RYR3: variants seen among roughly 807,000 people sequenced by gnomAD.
RYR3 encodes brain ryanodine receptor-calcium release channel.
RYR3 carries 207 observed loss-of-function variants against 584.3 expected under a neutral mutation model. That is an observed-to-expected ratio of 0.35 (90% confidence interval 0.32 to 0.40). The LOEUF is 0.40. RYR3 is among the 10% of genes least tolerant of loss of function. The probability of loss-of-function intolerance (pLI) is 1.00; values close to 1 mark genes in which losing one functional copy is unlikely to be tolerated. For missense variants in RYR3, 5,616 were observed against 6,089.2 expected (o/e 0.92, Z 2.59); for synonymous variants, 2,416 against 2,248.5 (o/e 1.07, Z -2.11).
At chr15:33,770,791 A>G (rs2073507566) in intron 62 of RYR3, among the ~76,000 whole-genome samples, 1 of 152,236 alleles carries the variant, frequency 6.6e-6, no homozygotes, top group South Asian at 2.1e-4. Context: ...GAACAAGCCT[A>G]ACTGACTTTA....
intron 19 of RYR3, among the ~76,000 whole-genome samples, chr15:33,616,904 G>A (rs2060479107): frequency 6.6e-6 from 1 of 152,196 alleles, no homozygotes; most frequent in African/African-American, 2.4e-5. Context: ...CAGGGTCAGT[G>A]CAGGACCTGT....
At chr15:33,647,181 C>T (rs576811211) in intron 29 of RYR3, among the ~76,000 whole-genome samples, 1 of 152,352 alleles carries the variant, frequency 6.6e-6, no homozygotes, top group South Asian at 2.1e-4. Context: ...TCCGTCCTCA[C>T]TCTCAACTTA....
chr15:33,825,026 A>G (rs931192378), intron 81 of RYR3, among the ~76,000 whole-genome samples: 2 of 152,154 alleles, frequency 1.3e-5, no homozygotes, highest in African/African-American at 2.4e-5. Flanking sequence ...AAATTCAGGA[A>G]TACCTGGAGG....
chr15:33,529,287 A>G (rs1325099569), intron 3 of RYR3, among the ~76,000 whole-genome samples: 3 of 152,218 alleles, frequency 2.0e-5, no homozygotes, highest in African/African-American at 7.2e-5. Context: ...GGAACATGAT[A>G]CCACGTTTAT....
chr15:33,812,895 C>T lies in RYR3; in HGVS notation c.10290C>T (p.Asn3430=), dbSNP rs2076624477. The change falls in exon 73 of 104, where the codon AAC becomes AAT. Residue 3430 remains asparagine, a synonymous_variant. Transcript: ENST00000634891. ...SDDPAVKWQL[N]LYKDVLKSEE... ...ACCCAGCTGTAAAATGGCAACTGAA[C>T]CTCTACAAGGATGTTCTGAAGAGTG... The T allele has an allele frequency of 1.2e-6, 2 of 1,613,924 alleles. No homozygotes were observed. Among genetic ancestry groups the T allele is most frequent in the East Asian group, 2.2e-5 (1 of 44,882 alleles).
chr15:33,729,172 A>AATTATT, intron 47 of RYR3, 146 bp downstream of exon 47: 1 of 728,496 alleles, frequency 1.4e-6, no homozygotes, highest in African/African-American at 1.8e-5. Flanking sequence ...GTATCATGAA[A>AATTATT]TGGAAGATCT....
intron 63 of RYR3, among the ~76,000 whole-genome samples, chr15:33,772,977 C>T (rs1426409471): frequency 6.6e-6 from 1 of 152,158 alleles, no homozygotes; most frequent in Non-Finnish European, 1.5e-5. Context: ...CAAAACATGC[C>T]CTTCCCCTAG....
At chr15:33,547,266 G>T (rs12909241) in intron 8 of RYR3, among the ~76,000 whole-genome samples, 109,680 of 152,134 alleles carry the variant, frequency 0.72, 41,048 homozygotes, top group Middle Eastern at 0.9. Context: ...AAGGCAAGAC[G>T]GAGAAAGCAT....
At chr15:33,793,827 A>G (rs1006469105) in intron 67 of RYR3, among the ~76,000 whole-genome samples, 2 of 151,004 alleles carry the variant, frequency 1.3e-5, no homozygotes, top group Non-Finnish European at 2.9e-5. Context: ...TATAAGGTAA[A>G]TTGTAGTTAC....
intron 16 of RYR3, among the ~76,000 whole-genome samples, chr15:33,596,575 A>G (rs150878849): frequency 1.8e-4 from 27 of 152,038 alleles, no homozygotes; most frequent in African/African-American, 6.5e-4. Flanking sequence ...CATGGGGTAC[A>G]TAGTGATGTT....
intron 1 of RYR3, among the ~76,000 whole-genome samples, chr15:33,347,680 C>T (rs1033819726): frequency 4.6e-5 from 7 of 152,132 alleles, no homozygotes; most frequent in African/African-American, 1.7e-4. Flanking sequence ...ATCTCCTGAC[C>T]TCGTGATCCG....
At chr15:33,323,019 T>A (rs1969187406) in intron 1 of RYR3, among the ~76,000 whole-genome samples, 2 of 151,424 alleles carry the variant, frequency 1.3e-5, no homozygotes, top group Admixed American at 1.3e-4. Flanking sequence ...AATTTGTCAT[T>A]TATGTTTGTA....
chr15:33,540,805 A>G lies in RYR3; in HGVS notation c.561A>G (p.Ser187=). The G allele has an allele frequency of 6.2e-7, 1 of 1,608,788 alleles. No individual in the cohort carries two copies. Among genetic ancestry groups the G allele is most frequent in the Non-Finnish European group, 8.5e-7 (1 of 1,175,320 alleles). ...TTCTGCTGCAGCATCTCTCAGTATC[A>G]AATGGTAACATACAAGTGGATGCCT... ...SSERYLHLSV[S]NGNIQVDASF... Residue 187 remains serine, a synonymous_variant, in exon 7 of 104, where the codon TCA becomes TCG. Coordinates refer to ENST00000634891, the MANE Select transcript of RYR3 (RefSeq NM_001036.6).
chr15:33,655,753 C>A (rs1172257741), intron 32 of RYR3, among the ~76,000 whole-genome samples: 1 of 152,212 alleles, frequency 6.6e-6, no homozygotes, highest in Non-Finnish European at 1.5e-5. Flanking sequence ...CCAGCCAGCC[C>A]CCTTCTCATT....
At chr15:33,669,319 G>C (rs1383041342) in intron 36 of RYR3, 35 bp from the exon 37 acceptor site, 9 of 1,577,832 alleles carry the variant, frequency 5.7e-6, no homozygotes, top group Non-Finnish European at 7.0e-6. Flanking sequence ...CCAACATTGA[G>C]AACCAACTAG....
Position 33,557,503 on chromosome 15 carries a change from G to A in RYR3, c.973-5334G>A, listed in dbSNP as rs138638931. ...TGGTTCAAGCAATTCTTCTGCCTCG[G>A]CTTCCTGAGTAGCTGGGATTACAGG... On this transcript the variant is annotated intron_variant, in intron 10 of 103. Transcript: ENST00000634891. Among the ~76,000 whole-genome samples the A allele has an allele frequency of 6.1e-3, 929 of 152,216 alleles. 4 individuals are homozygous for A. Among genetic ancestry groups the A allele is most frequent in the Non-Finnish European group, 1.0e-2 (677 of 68,016 alleles).
At chr15:33,615,753 A>G (rs10519837) in intron 19 of RYR3, among the ~76,000 whole-genome samples, 44,712 of 152,088 alleles carry the variant, frequency 0.29, 7,442 homozygotes, top group Middle Eastern at 0.38. Context: ...ACATAGAGCT[A>G]TTCTCATTGA....
chr15:33,400,890 A>G (rs1202540079), intron 1 of RYR3, among the ~76,000 whole-genome samples: 1 of 152,218 alleles, frequency 6.6e-6, no homozygotes, highest in African/African-American at 2.4e-5. Context: ...CTGCTCTTTG[A>G]GCCACAGTTT....
chr15:33,738,183 T>A (rs1161122697), intron 49 of RYR3, among the ~76,000 whole-genome samples: 3 of 152,124 alleles, frequency 2.0e-5, no homozygotes, highest in Admixed American at 1.3e-4. Flanking sequence ...ACGGCTCCTC[T>A]CCATTTCCTA....
Sources: gnomAD v4.1 joint callset for allele counts (sites outside exome capture counted in the v4.1 genomes callset) on GRCh38, gnomAD v4.1.1 for gene constraint, MANE v1.5 for transcripts, NCBI Gene and HGNC (gene_info 2026-07-23, HGNC 2026-07-21) for gene names.